CNTN4: variants seen among roughly 807,000 people sequenced by gnomAD.
CNTN4 encodes contactin 4.
Under a neutral mutation model 122.5 loss-of-function variants are expected in CNTN4, and 77 were observed. That is an observed-to-expected ratio of 0.63 (90% CI 0.52 to 0.76). CNTN4 has a LOEUF of 0.76. CNTN4 is among the 30% of genes least tolerant of loss of function. CNTN4 has a pLI of 0.00. For missense variants in CNTN4, 1,256 were observed against 1,259.1 expected (o/e 1.00, Z 0.04); for synonymous variants, 512 against 447.0 (o/e 1.15, Z -1.83).
At chr3:3,045,289 C>T (rs1221342245) in intron 23 of CNTN4, among the ~76,000 whole-genome samples, 2 of 152,186 alleles carry the variant, frequency 1.3e-5, no homozygotes, top group African/African-American at 4.8e-5. Context: ...TAGTGTTTCC[C>T]CCAGCACGGA....
At chr3:2,128,804 A>G (rs894934113) in intron 2 of CNTN4, among the ~76,000 whole-genome samples, 2 of 152,206 alleles carry the variant, frequency 1.3e-5, no homozygotes, top group Non-Finnish European at 1.5e-5. Context: ...TATTAAAGAA[A>G]ACCATAAAGA....
intron 5 of CNTN4, among the ~76,000 whole-genome samples, chr3:2,740,948 A>G (rs1280036702): frequency 6.6e-6 from 1 of 152,244 alleles, no homozygotes; most frequent in Non-Finnish European, 1.5e-5. Flanking sequence ...TTTTTCAAAC[A>G]GAATTCCAGG....
chr3:2,984,673 G>C (rs1402547835), intron 13 of CNTN4, among the ~76,000 whole-genome samples: 1 of 152,208 alleles, frequency 6.6e-6, no homozygotes, highest in Non-Finnish European at 1.5e-5. Context: ...GTCAGAGTTT[G>C]ATACAGGCGA....
rs74771158 is a variant in CNTN4, at chr3:2,828,084, G to A, written c.454+8503G>A. Among the ~76,000 whole-genome samples the A allele has an allele frequency of 1.7e-3, 258 of 152,146 alleles. 1 individual carries two copies. The highest frequency in any genetic ancestry group is 5.9e-3 in the African/African-American group (244 of 41,520). On this transcript the variant is annotated intron_variant, in intron 7 of 24. Transcript: ENST00000418658. ...AGGAAGGGCCCAGCATTTCACTTGA[G>A]TCATCTCATTCTCTCTCTCTCTCTC...
intron 12 of CNTN4, among the ~76,000 whole-genome samples, chr3:2,911,755 T>C (rs2094302351): frequency 6.6e-6 from 1 of 151,882 alleles, no homozygotes; most frequent in Admixed American, 6.6e-5. Context: ...CCCAAAGAAA[T>C]TCTGGAGGTG....
At chr3:3,015,186 C>T (rs1054377889) in intron 14 of CNTN4, among the ~76,000 whole-genome samples, 5 of 152,110 alleles carry the variant, frequency 3.3e-5, no homozygotes, top group African/African-American at 1.2e-4. Flanking sequence ...TTTAGTTAAA[C>T]TCATAATGCC....
At chr3:2,822,680 T>C (rs1196336863) in intron 7 of CNTN4, among the ~76,000 whole-genome samples, 1 of 152,188 alleles carries the variant, frequency 6.6e-6, no homozygotes, top group Non-Finnish European at 1.5e-5. Context: ...GATATAATGA[T>C]CTCTTTAGGA....
At position 2,437,791 on chromosome 3, in the gene CNTN4, TGACA is replaced by T. The variant is rs2048307372; in HGVS notation, c.-89+98559_-89+98562del. ...AATCGCCAATATCTTTGAAGATTCA[TGACA>T]TTTATATTGGCAAGGAGGAAAGGGG... On this transcript the variant is annotated intron_variant, in intron 3 of 24. Transcript: ENST00000418658. Among the ~76,000 whole-genome samples, 4 of 152,328 alleles carry T rather than the reference TGACA, an allele frequency of 2.6e-5. No individual in the cohort carries two copies. In the South Asian group the frequency reaches 8.3e-4, roughly 32 times the overall value.
At chr3:2,637,555 T>C (rs1431653453) in intron 4 of CNTN4, among the ~76,000 whole-genome samples, 1 of 152,124 alleles carries the variant, frequency 6.6e-6, no homozygotes, top group East Asian at 1.9e-4. Context: ...GGGGCCCAAG[T>C]ATGTCACCCC....
At chr3:2,826,862 C>T (rs943879519) in intron 7 of CNTN4, among the ~76,000 whole-genome samples, 1 of 152,196 alleles carries the variant, frequency 6.6e-6, no homozygotes, top group Non-Finnish European at 1.5e-5. Context: ...TCATCTTCTT[C>T]CCCAAACTGG....
chr3:2,203,164 A>C (rs2038178925), intron 2 of CNTN4, among the ~76,000 whole-genome samples: 1 of 152,028 alleles, frequency 6.6e-6, no homozygotes, highest in Non-Finnish European at 1.5e-5. Context: ...AAATATATAC[A>C]TATGTGTATT....
chr3:2,759,464 A>G (rs1199845762), intron 6 of CNTN4, among the ~76,000 whole-genome samples: 1 of 152,144 alleles, frequency 6.6e-6, no homozygotes. Flanking sequence ...ATTTATTTTT[A>G]GGTCTAAAGA....
intron 4 of CNTN4, among the ~76,000 whole-genome samples, chr3:2,733,766 C>A (rs1255341293): frequency 6.6e-6 from 1 of 151,972 alleles, no homozygotes; most frequent in Non-Finnish European, 1.5e-5. Context: ...AAATGCCTGA[C>A]CTCATGATCC....
intron 2 of CNTN4, among the ~76,000 whole-genome samples, chr3:2,174,984 A>G (rs1349555400): frequency 6.6e-6 from 1 of 152,082 alleles, no homozygotes; most frequent in Non-Finnish European, 1.5e-5. Context: ...CCCATCTCCA[A>G]AACTGGAGTT....
chr3:2,560,380 A>G (rs2078901315), intron 3 of CNTN4, among the ~76,000 whole-genome samples: 1 of 152,006 alleles, frequency 6.6e-6, no homozygotes, highest in Middle Eastern at 3.2e-3. Flanking sequence ...GGGCTCAAGT[A>G]ATCTGCCTGC....
chr3:2,695,675 A>G (rs976323177), intron 4 of CNTN4, among the ~76,000 whole-genome samples: 3 of 152,186 alleles, frequency 2.0e-5, no homozygotes, highest in African/African-American at 7.2e-5. Context: ...AAGTATATAC[A>G]TGGCAGGAGA....
intron 2 of CNTN4, among the ~76,000 whole-genome samples, chr3:2,143,206 T>G (rs2035085895): frequency 6.6e-6 from 1 of 152,220 alleles, no homozygotes; most frequent in Admixed American, 6.5e-5. Flanking sequence ...CTTTGTTACT[T>G]AGAATTAACC....
chr3:2,304,308 A>G (rs149816393), intron 2 of CNTN4, among the ~76,000 whole-genome samples: 2 of 152,296 alleles, frequency 1.3e-5, no homozygotes, highest in East Asian at 3.9e-4. Flanking sequence ...TACAATGCTC[A>G]ATCTTCTGTC....
chr3:2,438,903 G>C (rs1348569913), intron 3 of CNTN4, among the ~76,000 whole-genome samples: 2 of 152,172 alleles, frequency 1.3e-5, no homozygotes, highest in Non-Finnish European at 2.9e-5. Flanking sequence ...AGACGATAAA[G>C]ATATACTGTA....
Sources: gnomAD v4.1 joint callset for allele counts (sites outside exome capture counted in the v4.1 genomes callset) on GRCh38, gnomAD v4.1.1 for gene constraint, MANE v1.5 for transcripts, NCBI Gene and HGNC (gene_info 2026-07-23, HGNC 2026-07-21) for gene names.